NRDE2: variants seen among roughly 807,000 people sequenced by gnomAD.
The protein encoded by NRDE2 is NRDE-2, necessary for RNA interference, domain containing.
In NRDE2, 76 loss-of-function variants were observed where a neutral mutation model predicts 124.2. That is an observed-to-expected ratio of 0.61 (90% CI 0.51 to 0.74). The LOEUF (loss-of-function observed/expected upper bound fraction) is 0.74, where lower values mean the gene tolerates loss of function less well. Among genes scored for constraint, NRDE2 ranks in the 30% least tolerant of loss-of-function variants. The pLI is 0.00. For missense variants in NRDE2, 1,314 were observed against 1,417.3 expected (o/e 0.93, Z 1.17); for synonymous variants, 489 against 528.1 (o/e 0.93, Z 1.01).
chr14:90,282,773 T>G (rs929937525), intron 12 of NRDE2, among the ~76,000 whole-genome samples: 10 of 152,140 alleles, frequency 6.6e-5, no homozygotes, highest in Non-Finnish European at 1.5e-4. Context: ...GTTCAAGTGA[T>G]TCTCCTGCCT....
intron 6 of NRDE2, among the ~76,000 whole-genome samples, 168 bp from the exon 7 acceptor site, chr14:90,301,540 A>AAAGCG (rs1193662053): frequency 7.9e-5 from 12 of 152,360 alleles, no homozygotes; most frequent in African/African-American, 2.9e-4. Context: ...CTCACACAGT[A>AAAGCG]TTATAATCCA....
In NRDE2 at chr14:90,278,444, G is replaced by T. The variant is rs370954669; in HGVS notation, c.3387C>A (p.Ala1129=). 6.2e-7 allele frequency: 1 copy of T among 1,613,904 alleles called. No individual in the cohort carries two copies. Among genetic ancestry groups the T allele is most frequent in the Non-Finnish European group, 8.5e-7 (1 of 1,179,976 alleles). ...GCATCTCATCGGGGAAATACTCCAC[G>T]GCGTCCAGGTACAACACCTAGGGGG... ...CPWAKVLYLD[A]VEYFPDEMQE... Residue 1129 remains alanine (A), a synonymous_variant, in exon 14 of 14, where the codon GCC becomes GCA. Transcript: ENST00000354366.
rs1401628136 is a variant in NRDE2 at position 90,302,992 on chromosome 14, C to T, written c.1139G>A (p.Ser380Asn). ...LERAIESNQS[S>N]VDLKLAKLKL... ...CAGCTTGGCCAGTTTCAGATCCACA[C>T]TGCTCTGGTTGCTCTCAATGGCCCG... Residue 380 changes from serine to asparagine, a missense_variant, in exon 6 of 14, where the codon AGT becomes AAT. By Grantham distance (46) the Ser-to-Asn change is conservative. Coordinates refer to ENST00000354366, the MANE Select transcript of NRDE2 (RefSeq NM_017970.4). The T allele has an allele frequency of 1.9e-6, 3 of 1,613,974 alleles. No homozygotes were observed. The highest frequency in any genetic ancestry group is 2.5e-6 in the Non-Finnish European group (3 of 1,180,052).
intron 9 of NRDE2, among the ~76,000 whole-genome samples, chr14:90,292,186 C>T (rs1259654399): frequency 6.6e-6 from 1 of 152,214 alleles, no homozygotes; most frequent in Non-Finnish European, 1.5e-5. Flanking sequence ...GTTTCTTCTT[C>T]CGCAAGACAC....
chr14:90,272,203 G>A lies in NRDE2; in HGVS notation c.*6133C>T. On this transcript the variant is annotated 3_prime_UTR_variant, in exon 14 of 14. Coordinates refer to ENST00000354366, the MANE Select transcript of NRDE2 (RefSeq NM_017970.4). The surrounding 1 kb of genome is among the most constrained non-coding windows in gnomAD (Gnocchi z 4.5). Reference sequence around the variant, plus strand: ...GCCACCGCGCCTGGCCTCAGAATAGGTTTTTTGGAATTCCTTGTTAGAATA... The same window carrying A: ...GCCACCGCGCCTGGCCTCAGAATAGATTTTTTGGAATTCCTTGTTAGAATA... 1.3e-6 allele frequency: 2 copies of A among 1,572,512 alleles called. No homozygotes were observed. Among genetic ancestry groups the A allele is most frequent in the Non-Finnish European group, 1.7e-6 (2 of 1,161,336 alleles).
rs372912474 is a variant in NRDE2, at chr14:90,309,258, A to G, written c.557+3136T>C. Reference sequence around the variant, plus strand: ...AGAATTAAATCCAAAGCGCCAGGCAATCAAGATGAATGCAGGCTGAATAAA... The same window carrying G: ...AGAATTAAATCCAAAGCGCCAGGCAGTCAAGATGAATGCAGGCTGAATAAA... On this transcript the variant is annotated intron_variant, in intron 4 of 13. Transcript: ENST00000354366. 7.2e-5 allele frequency among the ~76,000 whole-genome samples: 11 copies of G among 151,984 alleles called. No individual in the cohort carries two copies. In the East Asian group the frequency reaches 1.7e-3, roughly 24 times the overall value.
chr14:90,290,639 TAACA>T lies in NRDE2; in HGVS notation c.1843-36_1843-33del, dbSNP rs747016401. The T allele has an allele frequency of 2.5e-6, 4 of 1,569,724 alleles. No homozygotes were observed. The East Asian group carries it at 9.0e-5, about 35-fold the overall frequency. ...CAAAGACAAAATAAAGCGACCCATG[TAACA>T]AAACAAAACCCGCACATTTGTCACA... On this transcript the variant is annotated intron_variant, in intron 9 of 13. Transcript: ENST00000354366.
chr14:90,308,862 A>G (rs1197726913), intron 4 of NRDE2, among the ~76,000 whole-genome samples: 1 of 152,150 alleles, frequency 6.6e-6, no homozygotes, highest in African/African-American at 2.4e-5. Context: ...AAAAATGTCA[A>G]CCGCACAGGG....
chr14:90,293,711 G>A (rs1341348291), intron 8 of NRDE2, among the ~76,000 whole-genome samples: 1 of 152,146 alleles, frequency 6.6e-6, no homozygotes, highest in African/African-American at 2.4e-5. Flanking sequence ...AATTAATTAT[G>A]ACCTATGCTC....
chr14:90,288,741 A>G lies in NRDE2; in HGVS notation c.2634T>C (p.Tyr878=), dbSNP rs141362083. Residue 878 remains tyrosine (Y), a synonymous_variant, in exon 11 of 14, where the codon TAT becomes TAC. Coordinates refer to ENST00000354366, the MANE Select transcript of NRDE2 (RefSeq NM_017970.4). ...AVHILKARKA[Y]EHALQDCLGD... ...CCAAACAGTCCTGCAGTGCGTGCTC[A>G]TAAGCCTTTCGCGCTTTCAAAATGT... 50 of 1,614,176 alleles carry G rather than the reference A, an allele frequency of 3.1e-5. No homozygotes were observed. The African/African-American group carries it at 5.2e-4, about 17-fold the overall frequency.
intron 3 of NRDE2, 106 bp from the exon 4 acceptor site, chr14:90,312,649 A>G (rs750167492): frequency 3.2e-5 from 34 of 1,056,276 alleles, no homozygotes; most frequent in Non-Finnish European, 4.6e-5. Flanking sequence ...CAAACTCCAC[A>G]TGGCATCAAA....
chr14:90,311,977 G>C (rs948638140), intron 4 of NRDE2, among the ~76,000 whole-genome samples: 1 of 152,130 alleles, frequency 6.6e-6, no homozygotes, highest in African/African-American at 2.4e-5. Context: ...TTTTGAAAAA[G>C]TCCTTACCAC....
At chr14:90,316,418 C>T (rs1885049428) in intron 3 of NRDE2, among the ~76,000 whole-genome samples, 160 bp downstream of exon 3, 1 of 152,178 alleles carries the variant, frequency 6.6e-6, no homozygotes, top group Non-Finnish European at 1.5e-5. Context: ...AAAATCGTGT[C>T]CCTAATTTTT....
chr14:90,316,644 G>A lies in NRDE2; in HGVS notation c.341C>T (p.Thr114Ile), dbSNP rs981866891. ...PSSSSRSETD[T>I]DSEKDKPSRG... is the part of the protein sequence containing the mutation. ...GGAAGGTTTGTCCTTTTCAGAATCGGTGTCTGTCTCAGACCTGCTGCTACT... is the reference window on the plus strand; with the variant it reads ...GGAAGGTTTGTCCTTTTCAGAATCGATGTCTGTCTCAGACCTGCTGCTACT... The change falls in exon 3 of 14, where the codon ACC becomes ATC. Residue 114 changes from threonine (T) to isoleucine (I), a missense_variant. Physicochemically the swap from Thr to Ile is moderately conservative, Grantham distance 89. Coordinates refer to ENST00000354366, the MANE Select transcript of NRDE2 (RefSeq NM_017970.4). 1 of 1,614,070 alleles carries A rather than the reference G, an allele frequency of 6.2e-7. No homozygotes were observed. The highest frequency in any genetic ancestry group is 1.1e-5 in the South Asian group (1 of 91,062).
chr14:90,318,004 C>T lies in NRDE2; in HGVS notation c.173+1G>A. On this transcript the variant is annotated splice_donor_variant, in intron 2 of 13. Transcript: ENST00000354366. LOFTEE classifies it high-confidence loss of function. ...AAACACATCTGTCAAACAAAAACTA[C>T]CTTGTCAGCGGTAACCCTTCAGAAA... The T allele has an allele frequency of 6.2e-7, 1 of 1,612,048 alleles. No individual in the cohort carries two copies. The highest frequency in any genetic ancestry group is 1.3e-5 in the African/African-American group (1 of 74,902).
Position 90,274,295 on chromosome 14 carries a change from CTGATGTGCAGTA to C in NRDE2, c.*4029_*4040del, listed in dbSNP as rs1891743639. 1 of 155,668 alleles carries C rather than the reference CTGATGTGCAGTA, an allele frequency of 6.4e-6. No individual in the cohort carries two copies. The highest frequency in any genetic ancestry group is 6.5e-5 in the Admixed American group (1 of 15,282). The allele number at this position is 155,668 out of a possible 1,614,324, so 9.6% of individuals were successfully genotyped here. On this transcript the variant is annotated 3_prime_UTR_variant, in exon 14 of 14. Transcript: ENST00000354366. Reference sequence around the variant, plus strand: ...GATAGGGGGAGTCAGTGTGGGCAGCCTGATGTGCAGTATGAGAGCCCAAGTGGGTGAGGAAGG... The same window carrying C: ...GATAGGGGGAGTCAGTGTGGGCAGCCTGAGAGCCCAAGTGGGTGAGGAAGG...
intron 1 of NRDE2, among the ~76,000 whole-genome samples, chr14:90,326,774 T>C (rs565647809): frequency 8.5e-5 from 13 of 152,294 alleles, no homozygotes; most frequent in Middle Eastern, 3.4e-3. Flanking sequence ...TATCACCATA[T>C]ATCAAACTGG....
At chr14:90,298,197 G>A (rs998330823) in intron 8 of NRDE2, 63 bp downstream of exon 8, 19 of 1,547,872 alleles carry the variant, frequency 1.2e-5, no homozygotes, top group Non-Finnish European at 1.5e-5. Flanking sequence ...AAATAATCAT[G>A]AGGATGTAAA....
At chr14:90,331,769 G>C (rs902300636) in intron 1 of NRDE2, 72 bp downstream of exon 1, 1 of 1,505,124 alleles carries the variant, frequency 6.6e-7, no homozygotes, top group African/African-American at 1.4e-5. Flanking sequence ...CAAAGCAAAA[G>C]TCTAGACCTG....
Sources: gnomAD v4.1 joint callset for allele counts (sites outside exome capture counted in the v4.1 genomes callset) on GRCh38, gnomAD v4.1.1 for gene constraint, Gnocchi (gnomAD v3.1) non-coding constraint, MANE v1.5 for transcripts, NCBI Gene and HGNC (gene_info 2026-07-23, HGNC 2026-07-21) for gene names.